The following PCDHGA4 variants were observed in gnomAD, a reference collection of about 807,000 sequenced individuals.
The protein encoded by PCDHGA4 is protocadherin gamma-A4.
A neutral mutation model predicts 54.6 loss-of-function variants in PCDHGA4; 38 were observed. The observed-to-expected ratio is 0.70, with a 90% confidence interval of 0.54 to 0.91. The LOEUF is 0.91. Ranked by LOEUF, PCDHGA4 falls within the 40% of genes least tolerant of loss-of-function variation. PCDHGA4 has a pLI of 0.00. For missense variants in PCDHGA4, 1,298 were observed against 1,220.9 expected (o/e 1.06, Z -0.94); for synonymous variants, 511 against 512.9 (o/e 1.00, Z 0.05).
chr5:141,384,060 A>T (rs1453253478), intron 1 of PCDHGA4: 1 of 1,609,266 alleles, frequency 6.2e-7, no homozygotes, highest in South Asian at 1.1e-5. Context: ...GCACCATTCC[A>T]GAAAACCTAC....
chr5:141,388,868 A>G lies in PCDHGA4; in HGVS notation c.2514+31247A>G, dbSNP rs138074064. On this transcript the variant is annotated intron_variant, in intron 1 of 3. Transcript: ENST00000571252. The stretch of plus-strand genomic sequence containing the variant: ...GGGACGGTGGAGGAATGATTGCGCA[A>G]TGCACAGTGGAGGTAGAAGTCATAG... 208 of 1,613,992 alleles carry G rather than the reference A, an allele frequency of 1.3e-4. 2 individuals are homozygous for G. In the African/African-American group the frequency reaches 2.5e-3, roughly 19 times the overall value.
In PCDHGA4 at chr5:141,477,017, A is replaced by G; in HGVS notation, c.2515-17790A>G. 2 of 1,614,220 alleles carry G rather than the reference A, an allele frequency of 1.2e-6. No homozygotes were observed. The highest frequency in any genetic ancestry group is 2.2e-5 in the East Asian group (1 of 44,868). ...GCAACTATTCGCCTTAGACCTTGTA[A>G]CCGGGATGCTGACAATCAAGGGTCG... On this transcript the variant is annotated intron_variant, in intron 1 of 3. Coordinates refer to ENST00000571252, the MANE Select transcript of PCDHGA4 (RefSeq NM_018917.4). This position sits in a 1 kb window ranked among gnomAD's most constrained non-coding sequence, Gnocchi z 4.9.
Position 141,491,273 on chromosome 5 carries a change from G to A in PCDHGA4, c.2515-3534G>A. ...GACCCTGAGGAAATGCCCAAATCCA[G>A]TGACTTCCTCATACACCCTCCTGAG... On this transcript the variant is annotated intron_variant, in intron 1 of 3. Coordinates refer to ENST00000571252, the MANE Select transcript of PCDHGA4 (RefSeq NM_018917.4). This position sits in a 1 kb window ranked among gnomAD's most constrained non-coding sequence, Gnocchi z 6.9. The A allele has an allele frequency of 6.2e-7, 1 of 1,614,182 alleles. No individual in the cohort carries two copies. Among genetic ancestry groups the A allele is most frequent in the South Asian group, 1.1e-5 (1 of 91,082 alleles).
chr5:141,362,481 T>C (rs1372374751), intron 1 of PCDHGA4: 16 of 1,613,962 alleles, frequency 9.9e-6, no homozygotes, highest in Non-Finnish European at 1.4e-5. Context: ...ATCTCGTCTG[T>C]GACAATGCCT....
chr5:141,444,008 A>G (rs2098413646), intron 1 of PCDHGA4, among the ~76,000 whole-genome samples: 2 of 152,140 alleles, frequency 1.3e-5, no homozygotes, highest in Non-Finnish European at 2.9e-5. Context: ...CTACCTGGGT[A>G]TTGGCTTCTA....
intron 1 of PCDHGA4, among the ~76,000 whole-genome samples, chr5:141,458,112 A>C (rs2098937913): frequency 6.6e-6 from 1 of 152,208 alleles, no homozygotes; most frequent in Non-Finnish European, 1.5e-5. Context: ...ATAGTCTCCA[A>C]ATTTTAGAGG....
rs543038539 is a variant in PCDHGA4 at position 141,415,850 on chromosome 5, C to A, written c.2514+58229C>A. 7.3e-6 allele frequency: 9 copies of A among 1,230,004 alleles called. No homozygotes were observed. In the East Asian group the frequency reaches 2.6e-4, roughly 35 times the overall value. The allele number at this position is 1,230,004 out of a possible 1,614,324, so 76.2% of individuals were successfully genotyped here. ...TTTGTTATGATTAGCTTTGCAGAAC[C>A]TTGTAGTTTATAGTGTTGTTGAGTA... On this transcript the variant is annotated intron_variant, in intron 1 of 3. Coordinates refer to ENST00000571252, the MANE Select transcript of PCDHGA4 (RefSeq NM_018917.4).
chr5:141,481,913 CAA>C (rs34114744), intron 1 of PCDHGA4, among the ~76,000 whole-genome samples: 12,059 of 90,730 alleles, frequency 0.13, 576 homozygotes, highest in African/African-American at 0.21. Flanking sequence ...AACTCCATCT[CAA>C]AAAAAAAAAA....
intron 1 of PCDHGA4, among the ~76,000 whole-genome samples, chr5:141,363,114 G>C (rs1762815949): frequency 6.6e-6 from 1 of 152,244 alleles, no homozygotes; most frequent in Non-Finnish European, 1.5e-5. Flanking sequence ...TTTGAGGTCT[G>C]AGGTGTCTGC....
chr5:141,487,297 C>A lies in PCDHGA4; in HGVS notation c.2515-7510C>A. ...TTTGCTTTGTCTCCTTTGGCTCATT[C>A]GTGGCACTACTCTCTAAGTGTCTTC... is the stretch of plus-strand genomic sequence containing the variant. On this transcript the variant is annotated intron_variant, in intron 1 of 3. Transcript: ENST00000571252. This position sits in a 1 kb window ranked among gnomAD's most constrained non-coding sequence, Gnocchi z 5.0. 1 of 1,614,102 alleles carries A rather than the reference C, an allele frequency of 6.2e-7. No homozygotes were observed. The highest frequency in any genetic ancestry group is 8.5e-7 in the Non-Finnish European group (1 of 1,180,002).
intron 1 of PCDHGA4, chr5:141,412,049 T>C (rs2095532088): frequency 1.3e-5 from 2 of 152,256 alleles, no homozygotes; most frequent in Admixed American, 1.3e-4. Flanking sequence ...AGTGAACTTC[T>C]ATACCCTTTG....
chr5:141,427,810 G>T, intron 1 of PCDHGA4: 1 of 1,523,990 alleles, frequency 6.6e-7, no homozygotes, highest in Non-Finnish European at 9.0e-7. Flanking sequence ...AGCGCACAGA[G>T]CGGGGTGGTG....
Position 141,394,531 on chromosome 5 carries a change from C to T in PCDHGA4, c.2514+36910C>T, listed in dbSNP as rs1188248060. ...CCCGCCCTCCCCACAGACGGTTCCA[C>T]TGGCGTGGAGCTGGCGCCCCGCTCC... On this transcript the variant is annotated intron_variant, in intron 1 of 3. Transcript: ENST00000571252. 3 of 1,614,224 alleles carry T rather than the reference C, an allele frequency of 1.9e-6. No homozygotes were observed. In the South Asian group the frequency reaches 3.3e-5, roughly 18 times the overall value.
intron 1 of PCDHGA4, chr5:141,389,589 G>C (rs780685929): frequency 8.1e-6 from 13 of 1,613,168 alleles, no homozygotes; most frequent in Non-Finnish European, 1.1e-5. Context: ...GGGTCCCGAC[G>C]GCTCTGCGCT....
At position 141,355,405 on chromosome 5, in the gene PCDHGA4, A is replaced by G. The variant is rs759129732; in HGVS notation, c.298A>G (p.Arg100Gly). The stretch of plus-strand genomic sequence containing the variant: ...GGAGCGCGGAGTCCGCATCGTCTCC[A>G]GAGGTAGGACGCAGCTTTTCGCCCT... Reference protein sequence around the residue: ...LAERGVRIVSRGRTQLFALNP... With the variant: ...LAERGVRIVSGGRTQLFALNP... The change falls in exon 1 of 4, where the codon AGA becomes GGA. Residue 100 changes from arginine to glycine, a missense_variant. Physicochemically the swap from Arg to Gly is moderately radical, Grantham distance 125. Coordinates refer to ENST00000571252, the MANE Select transcript of PCDHGA4 (RefSeq NM_018917.4). The G allele has an allele frequency of 6.2e-7, 1 of 1,613,982 alleles. No individual in the cohort carries two copies. Among genetic ancestry groups the G allele is most frequent in the African/African-American group, 1.3e-5 (1 of 74,956 alleles).
rs146734417 is a variant in PCDHGA4, at chr5:141,431,409, G to T, written c.2515-63398G>T. The T allele has an allele frequency of 1.9e-6, 3 of 1,613,722 alleles. No homozygotes were observed. Among genetic ancestry groups the T allele is most frequent in the Non-Finnish European group, 2.5e-6 (3 of 1,180,048 alleles). On this transcript the variant is annotated intron_variant, in intron 1 of 3. Transcript: ENST00000571252. This position sits in a 1 kb window ranked among gnomAD's most constrained non-coding sequence, Gnocchi z 4.8. Reference sequence around the variant, plus strand: ...CACCTGGTCCTTACGGCCTCCGACGGGGGCGACCCGGTGCGCACAGGCACC... The same window carrying T: ...CACCTGGTCCTTACGGCCTCCGACGTGGGCGACCCGGTGCGCACAGGCACC...
intron 1 of PCDHGA4, among the ~76,000 whole-genome samples, chr5:141,483,024 G>A (rs1210804345): frequency 6.6e-6 from 1 of 152,094 alleles, no homozygotes; most frequent in Non-Finnish European, 1.5e-5. Context: ...GGCAGAGGTT[G>A]CAATGAGCTG....
intron 2 of PCDHGA4, among the ~76,000 whole-genome samples, chr5:141,499,112 A>G (rs550424495): frequency 6.6e-6 from 1 of 152,238 alleles, no homozygotes; most frequent in African/African-American, 2.4e-5. Context: ...CCCCACCACT[A>G]TCCCTTCTCA....
rs1561515163 is a variant in PCDHGA4 at position 141,357,544 on chromosome 5, CG to C, written c.2440del (p.Glu814ArgfsTer10). On this transcript the variant is annotated frameshift_variant, in exon 1 of 4. Coordinates refer to ENST00000571252, the MANE Select transcript of PCDHGA4 (RefSeq NM_018917.4). LOFTEE classifies it high-confidence loss of function. ...CAGCTATGCAGACACGCTCATCAGC[CG>C]GGAGAGTTGTGAGAAAAGCGAGCCT... ...QPSYADTLIS[R>X]ESCEKSEPLL... 6.2e-7 allele frequency: 1 copy of C among 1,614,176 alleles called. No individual in the cohort carries two copies. The highest frequency in any genetic ancestry group is 8.5e-7 in the Non-Finnish European group (1 of 1,180,034).
Sources: gnomAD v4.1 joint callset for allele counts (sites outside exome capture counted in the v4.1 genomes callset) on GRCh38, gnomAD v4.1.1 for gene constraint, Gnocchi (gnomAD v3.1) non-coding constraint, MANE v1.5 for transcripts, NCBI Gene and HGNC (gene_info 2026-07-23, HGNC 2026-07-21) for gene names.